The following MEIS3 variants were observed in gnomAD, a reference collection of about 807,000 sequenced individuals.
The protein encoded by MEIS3 is homeobox protein Meis3.
A neutral mutation model predicts 51.4 loss-of-function variants in MEIS3; 38 were observed. The observed-to-expected ratio is 0.74, with a 90% CI of 0.57 to 0.97. The LOEUF (loss-of-function observed/expected upper bound fraction) is 0.97. Ranked by LOEUF, MEIS3 falls within the 50% of genes least tolerant of loss-of-function variation. MEIS3 has a pLI of 0.00. For missense variants in MEIS3, 456 were observed against 502.6 expected (o/e 0.91, Z 0.89); for synonymous variants, 198 against 201.8 (o/e 0.98, Z 0.16).
chr19:47,413,007 A>G (rs1244007184), intron 6 of MEIS3, among the ~76,000 whole-genome samples: 1 of 151,238 alleles, frequency 6.6e-6, no homozygotes, highest in African/African-American at 2.4e-5. Flanking sequence ...CCCAGCCATC[A>G]CCAGTCTACA....
chr19:47,422,102 G>A (rs1214440750), upstream of MEIS3, among the ~76,000 whole-genome samples: 8 of 150,768 alleles, frequency 5.3e-5, no homozygotes, highest in Admixed American at 5.3e-4. Context: ...TCCATCACCC[G>A]AGCCCAGACT....
In MEIS3 at chr19:47,417,200, T is replaced by G. The variant is rs1163114083; in HGVS notation, c.163A>C (p.Arg55=). The change falls in exon 2 of 13, where the codon AGG becomes CGG. Residue 55 remains arginine (R), a synonymous_variant. Coordinates refer to ENST00000558555, the MANE Select transcript of MEIS3 (RefSeq NM_001301059.2). ...PPGLDSDGLK[R]EKDEIYGHPL... ...CACCCATAGATCTCATCCTTCTCCC[T>G]CTTCAGGCCGTCGCTGTCCAAGCCT... 1 of 1,561,614 alleles carries G rather than the reference T, an allele frequency of 6.4e-7. No individual in the cohort carries two copies. Among genetic ancestry groups the G allele is most frequent in the Non-Finnish European group, 8.6e-7 (1 of 1,157,342 alleles).
At chr19:47,409,767 G>A (rs1263007240) in intron 6 of MEIS3, among the ~76,000 whole-genome samples, 5 of 151,834 alleles carry the variant, frequency 3.3e-5, no homozygotes, top group African/African-American at 1.2e-4. Context: ...GGAGGCTGAG[G>A]CAGGAGAATC....
intron 6 of MEIS3, among the ~76,000 whole-genome samples, 178 bp downstream of exon 6, chr19:47,414,539 C>T (rs565433783): frequency 6.6e-6 from 1 of 152,274 alleles, no homozygotes; most frequent in South Asian, 2.1e-4. Context: ...TGTTGCCCAG[C>T]CGCATCCGAG....
chr19:47,421,968 C>G (rs1054296499), upstream of MEIS3, among the ~76,000 whole-genome samples: 1 of 151,790 alleles, frequency 6.6e-6, no homozygotes, highest in Non-Finnish European at 1.5e-5. Flanking sequence ...CACCCGGGCC[C>G]TTCATAAATA....
intron 6 of MEIS3, 141 bp downstream of exon 6, chr19:47,414,576 T>C: frequency 1.1e-6 from 1 of 943,022 alleles, no homozygotes. Context: ...GTAGTGGGTG[T>C]GTGGCTGTGT....
intron 5 of MEIS3, 88 bp from the exon 6 acceptor site, chr19:47,414,954 C>A (rs770442793): frequency 1.7e-5 from 19 of 1,120,898 alleles, no homozygotes; most frequent in Admixed American, 2.4e-5. Flanking sequence ...TGCTTCAACT[C>A]CGGTGGGGAG....
rs1178810469 is a variant in MEIS3, at chr19:47,415,036, G to T, written c.447+15C>A. ...CAGGGGCAAGTGAGGGTGTGGGGAG[G>T]TGAGACGCGCTCACCTTCTCCAGCT... On this transcript the variant is annotated intron_variant, in intron 5 of 12. Coordinates refer to ENST00000558555, the MANE Select transcript of MEIS3 (RefSeq NM_001301059.2). The T allele has an allele frequency of 6.4e-7, 1 of 1,557,846 alleles. No homozygotes were observed. The highest frequency in any genetic ancestry group is 2.0e-5 in the Admixed American group (1 of 51,078).
chr19:47,422,068 C>A (rs550592423), upstream of MEIS3, among the ~76,000 whole-genome samples: 3 of 152,170 alleles, frequency 2.0e-5, no homozygotes, highest in African/African-American at 7.2e-5. Context: ...CCTGCGCCCG[C>A]CCCTCCGCCC....
chr19:47,407,323 C>G (rs367792539), intron 9 of MEIS3, 29 bp downstream of exon 9: 88 of 1,603,024 alleles, frequency 5.5e-5, no homozygotes, highest in Non-Finnish European at 2.0e-5. Flanking sequence ...CGCCCCGGGC[C>G]GGCCCGCGGG....
intron 1 of MEIS3, chr19:47,417,899 T>C: frequency 1.7e-6 from 1 of 586,744 alleles, no homozygotes; most frequent in Non-Finnish European, 3.0e-6. Context: ...CACTCATGTG[T>C]CAGTCACACC....
At chr19:47,415,504 G>C (rs1015902913) in intron 4 of MEIS3, among the ~76,000 whole-genome samples, 2 of 151,738 alleles carry the variant, frequency 1.3e-5, no homozygotes, top group African/African-American at 4.8e-5. Context: ...AGGAAGCCCT[G>C]GCAAGAGCTT....
rs753008990 is a variant in MEIS3, at chr19:47,409,124, C to G, written c.833G>C (p.Arg278Pro). The part of the protein sequence containing the change: ...IFPKVATNIM[R>P]AWLFQHLSHP... ...CGAGAGGTGCTGGAACAACCAGGCT[C>G]GCATGATGTTGGTGGCCACCTTGGG... Residue 278 changes from arginine (R) to proline (P), a missense_variant, in exon 8 of 13, where the codon CGA (arginine) becomes CCA (proline). Physicochemically the swap from Arg to Pro is moderately radical, Grantham distance 103 (BLOSUM62 -2). Transcript: ENST00000558555. 1.6e-5 allele frequency: 26 copies of G among 1,611,288 alleles called. No individual in the cohort carries two copies. Among genetic ancestry groups the G allele is most frequent in the African/African-American group, 2.7e-5 (2 of 74,814 alleles).
At chr19:47,414,951 A>G (rs1044151701) in intron 5 of MEIS3, 85 bp from the exon 6 acceptor site, 7 of 849,962 alleles carry the variant, frequency 8.2e-6, no homozygotes, top group African/African-American at 4.2e-5. Context: ...TTCTGCTTCA[A>G]CTCCGGTGGG....
chr19:47,412,073 A>G (rs1206779949), intron 6 of MEIS3, among the ~76,000 whole-genome samples: 1 of 151,980 alleles, frequency 6.6e-6, no homozygotes, highest in African/African-American at 2.4e-5. Context: ...GGCTCAAGCA[A>G]TCCTCCTGCC....
chr19:47,412,623 G>A (rs562865541), intron 6 of MEIS3, among the ~76,000 whole-genome samples: 18 of 152,042 alleles, frequency 1.2e-4, no homozygotes, highest in African/African-American at 2.4e-4. Context: ...GTGCAATAGC[G>A]CGATCTTGGC....
chr19:47,410,603 A>G (rs1163388716), intron 6 of MEIS3, among the ~76,000 whole-genome samples: 2 of 151,186 alleles, frequency 1.3e-5, no homozygotes, highest in African/African-American at 2.4e-5. Flanking sequence ...CGTCTCTACT[A>G]AAAATACAAA....
intron 4 of MEIS3, 136 bp downstream of exon 4, chr19:47,416,516 G>A: frequency 1.4e-6 from 1 of 728,234 alleles, no homozygotes; most frequent in Non-Finnish European, 2.2e-6. Context: ...CACGGCACGT[G>A]GGCAACAATC....
In MEIS3 at chr19:47,419,295, G is replaced by A. The variant is rs1187109803; in HGVS notation, c.-214C>T. ...GGACCCCGGCCCCCGCCCCCAGCGG[G>A]GGTCACGGCCAGGAGCGCATCGCCG... is the stretch of plus-strand genomic sequence containing the variant. On this transcript the variant is annotated 5_prime_UTR_variant, in exon 1 of 13. Coordinates refer to ENST00000558555, the MANE Select transcript of MEIS3 (RefSeq NM_001301059.2). 4 of 231,386 alleles carry A rather than the reference G, an allele frequency of 1.7e-5. No individual in the cohort carries two copies. Among genetic ancestry groups the A allele is most frequent in the Non-Finnish European group, 3.3e-5 (4 of 121,672 alleles). 14.3% of individuals were successfully genotyped at this position (231,386 alleles called of 1,614,324 possible).
Sources: gnomAD v4.1 joint callset for allele counts (sites outside exome capture counted in the v4.1 genomes callset) on GRCh38, gnomAD v4.1.1 for gene constraint, MANE v1.5 for transcripts, NCBI Gene and HGNC (gene_info 2026-07-23, HGNC 2026-07-21) for gene names.